The following COPS9 variants were observed in gnomAD, a reference collection of about 807,000 sequenced individuals.
COPS9 encodes the protein COP9 signalosome complex subunit 9.
A neutral mutation model predicts 7.2 loss-of-function variants in COPS9; 8 were observed. The ratio of observed to expected loss-of-function variants is 1.11; its 90% CI spans 0.65 to 2.00. COPS9 has a LOEUF of 2.00. COPS9 is among the 30% of genes most tolerant of loss of function. The probability of loss-of-function intolerance (pLI) is 0.00; values close to 1 mark genes in which losing one functional copy is unlikely to be tolerated. For missense variants in COPS9, 74 were observed against 77.7 expected, an observed-to-expected ratio of 0.95 and a Z score of 0.18; for synonymous variants, 39 against 28.7, an observed-to-expected ratio of 1.36 and a Z score of -1.14.
Position 240,136,232 on chromosome 2 carries a change from T to C in COPS9, c.53A>G (p.Asp18Gly). 1 of 1,559,538 alleles carries C rather than the reference T, an allele frequency of 6.4e-7. No individual in the cohort carries two copies. The highest frequency in any genetic ancestry group is 8.6e-7 in the Non-Finnish European group (1 of 1,156,880). Reference sequence around the variant, plus strand: ...CCGGGCCCGTGCCACCTCGTCCAGGTCCACGTAGGGCCCGGCGCCCTCGGG... The same window carrying C: ...CCGGGCCCGTGCCACCTCGTCCAGGCCCACGTAGGGCCCGGCGCCCTCGGG... ...MFPEGAGPYV[D>G]LDEAGGSTGL... The change falls in exon 1 of 3, where the codon GAC (aspartate) becomes GGC (glycine). Residue 18 changes from aspartate to glycine, a missense_variant. Coordinates refer to ENST00000607357, the MANE Select transcript of COPS9 (RefSeq NM_001163424.2).
At chr2:240,126,937 A>G, downstream of COPS9, 1 of 1,610,408 alleles carries the variant, frequency 6.2e-7, no homozygotes, top group African/African-American at 1.3e-5. Flanking sequence ...TTCAGTTCAC[A>G]TCTCTGGGGA....
At chr2:240,126,874 G>A, downstream of COPS9, 1 of 1,614,122 alleles carries the variant, frequency 6.2e-7, no homozygotes, top group Non-Finnish European at 8.5e-7. Context: ...TCCGCCCCCT[G>A]CCCATGGCCT....
Position 240,136,239 on chromosome 2 carries a change from A to G in COPS9, c.46T>C (p.Tyr16His), listed in dbSNP as rs778603831. 1.9e-6 allele frequency: 3 copies of G among 1,563,216 alleles called. No individual in the cohort carries two copies. The African/African-American group carries it at 4.3e-5, about 22-fold the overall frequency. Residue 16 changes from tyrosine (Y) to histidine (H), a missense_variant, in exon 1 of 3, where the codon TAC becomes CAC. By Grantham distance (83) the Tyr-to-His change is moderately conservative (BLOSUM62 2). Transcript: ENST00000607357. ...CGTGCCACCTCGTCCAGGTCCACGT[A>G]GGGCCCGGCGCCCTCGGGGAACATC... ...DEMFPEGAGP[Y>H]VDLDEAGGST...
downstream of COPS9, among the ~76,000 whole-genome samples, chr2:240,128,221 G>T (rs1400684030): frequency 6.6e-6 from 1 of 152,184 alleles, no homozygotes; most frequent in African/African-American, 2.4e-5. Flanking sequence ...CAGAGATATA[G>T]TGTGGAGACT....
rs1289992413 is a variant in COPS9 at position 240,131,044 on chromosome 2, G to C, written c.*7C>G. On this transcript the variant is annotated 3_prime_UTR_variant, in exon 3 of 3. Coordinates refer to ENST00000607357, the MANE Select transcript of COPS9 (RefSeq NM_001163424.2). ...GGGCTTGGCCCCGCCTGCAGCCAGA[G>C]GGCATCTCACTGGATGTCATCATCA... 1.2e-6 allele frequency: 2 copies of C among 1,612,978 alleles called. No homozygotes were observed. Among genetic ancestry groups the C allele is most frequent in the Non-Finnish European group, 1.7e-6 (2 of 1,179,684 alleles).
chr2:240,129,747 T>C (rs568363085), downstream of COPS9, among the ~76,000 whole-genome samples: 9 of 152,270 alleles, frequency 5.9e-5, no homozygotes, highest in Admixed American at 2.6e-4. Context: ...TGCAAGAACA[T>C]AGCACTGAAA....
intron 1 of COPS9, 98 bp downstream of exon 1, chr2:240,136,124 C>T (rs1019654723): frequency 8.3e-6 from 11 of 1,333,094 alleles, no homozygotes; most frequent in Middle Eastern, 2.7e-4. Flanking sequence ...CCCACCCGCC[C>T]GGCCTCCCCT....
In COPS9 at chr2:240,132,882, T is replaced by G; in HGVS notation, c.136+1051A>C. 6.6e-6 allele frequency among the ~76,000 whole-genome samples: 1 copy of G among 152,298 alleles called. No individual in the cohort carries two copies. Among genetic ancestry groups the G allele is most frequent in the Non-Finnish European group, 1.5e-5 (1 of 68,020 alleles). ...TCCCACCTCGCTCTGGCATAAAGAA[T>G]TGAAATAAATGCTATTCAGTTCTCC... On this transcript the variant is annotated intron_variant, in intron 2 of 2. Coordinates refer to ENST00000607357, the MANE Select transcript of COPS9 (RefSeq NM_001163424.2). The surrounding 1 kb of genome is among the most constrained non-coding windows in gnomAD (Gnocchi z 4.1).
downstream of COPS9, chr2:240,126,769 T>C (rs1427044441): frequency 3.1e-6 from 5 of 1,614,234 alleles, no homozygotes; most frequent in Non-Finnish European, 4.2e-6. Flanking sequence ...TTCCGTAAAC[T>C]GTTTCTTAAG....
chr2:240,134,148 A>G (rs1157861360), intron 1 of COPS9, 143 bp from the exon 2 acceptor site: 4 of 701,536 alleles, frequency 5.7e-6, no homozygotes, highest in Non-Finnish European at 9.9e-6. Flanking sequence ...TTTTAGTTCC[A>G]GACACAGGAA....
At chr2:240,127,664 A>G (rs1036537694), downstream of COPS9, among the ~76,000 whole-genome samples, 1 of 152,114 alleles carries the variant, frequency 6.6e-6, no homozygotes, top group Non-Finnish European at 1.5e-5. Context: ...GAGAGACCCC[A>G]TGCCTCTTCC....
intron 2 of COPS9, 81 bp from the exon 3 acceptor site, chr2:240,131,169 A>C (rs2071918330): frequency 2.1e-6 from 3 of 1,410,648 alleles, no homozygotes; most frequent in African/African-American, 2.8e-5. Context: ...ATTATATAGT[A>C]GTCCAAAATA....
chr2:240,136,197 G>T, intron 1 of COPS9, 25 bp downstream of exon 1: 1 of 1,509,322 alleles, frequency 6.6e-7, no homozygotes, highest in Non-Finnish European at 8.8e-7. Flanking sequence ...CCCACGCTCG[G>T]AGACTCCCGC....
At chr2:240,135,040 G>T (rs1241720704) in intron 1 of COPS9, among the ~76,000 whole-genome samples, 3 of 152,104 alleles carry the variant, frequency 2.0e-5, no homozygotes, top group Admixed American at 6.5e-5. Flanking sequence ...GGGTTTAATG[G>T]AAGTGCTTCG....
rs1336628538 is a variant in COPS9, at chr2:240,132,768, G to A, written c.136+1165C>T. Among the ~76,000 whole-genome samples, 5 of 152,188 alleles carry A rather than the reference G, an allele frequency of 3.3e-5. No individual in the cohort carries two copies. In the East Asian group the frequency reaches 5.8e-4, roughly 18 times the overall value. ...TGCCCACGTGAAAAGCTTCAAAGTC[G>A]CCCTGGTGAGCTGGTGTTTTTGCAA... On this transcript the variant is annotated intron_variant, in intron 2 of 2. Transcript: ENST00000607357. This position sits in a 1 kb window ranked among gnomAD's most constrained non-coding sequence, Gnocchi z 4.1.
At chr2:240,128,361 T>C (rs1308742692), downstream of COPS9, among the ~76,000 whole-genome samples, 1 of 152,232 alleles carries the variant, frequency 6.6e-6, no homozygotes, top group African/African-American at 2.4e-5. Context: ...GCTGTCCTTC[T>C]GTGAGCCTTC....
In COPS9 at chr2:240,136,158, G is replaced by A. The variant is rs777235155; in HGVS notation, c.63+64C>T. The A allele has an allele frequency of 4.6e-5, 60 of 1,309,020 alleles. No individual in the cohort carries two copies. The African/African-American group carries it at 5.5e-4, about 12-fold the overall frequency. The allele number at this position is 1,309,020 out of a possible 1,614,324, so 81.1% of individuals were successfully genotyped here. A position where few individuals can be genotyped will look rare whatever the true frequency, so the allele number is the denominator to read the frequency against. On this transcript the variant is annotated intron_variant, in intron 1 of 2. Transcript: ENST00000607357. The stretch of plus-strand genomic sequence containing the variant: ...CTCCCCGGGACCCGCGCACCAGGAC[G>A]CCGCCCTTCCGCTCCCCCTTCCCCG...
chr2:240,130,884 A>T lies in COPS9; in HGVS notation c.*167T>A. On this transcript the variant is annotated 3_prime_UTR_variant, in exon 3 of 3. Transcript: ENST00000607357. Reference sequence around the variant, plus strand: ...CAAAACCTGATCCCGTTCAGAGATGAACAGAATCATCTAGGTCGTTAAGAA... The same window carrying T: ...CAAAACCTGATCCCGTTCAGAGATGTACAGAATCATCTAGGTCGTTAAGAA... The T allele has an allele frequency of 6.9e-7, 1 of 1,439,332 alleles. No individual in the cohort carries two copies. The highest frequency in any genetic ancestry group is 9.1e-7 in the Non-Finnish European group (1 of 1,096,956). 89.2% of individuals were successfully genotyped at this position (1,439,332 alleles called of 1,614,324 possible).
At chr2:240,133,616 G>T (rs1417437159) in intron 2 of COPS9, among the ~76,000 whole-genome samples, 1 of 152,214 alleles carries the variant, frequency 6.6e-6, no homozygotes, top group Non-Finnish European at 1.5e-5. Context: ...GGCCGTGTGT[G>T]GGGTGAGGGC....
Sources: allele counts gnomAD v4.1 joint callset (sites outside exome capture counted in the v4.1 genomes callset), GRCh38; gene constraint gnomAD v4.1.1; non-coding constraint Gnocchi (gnomAD v3.1); transcripts MANE v1.5; gene names NCBI Gene and HGNC (gene_info 2026-07-23, HGNC 2026-07-21).